MPP7: variants seen among roughly 807,000 people sequenced by gnomAD.
MPP7 encodes the protein MAGUK p55 scaffold protein 7, also known as MAGUK p55 subfamily member 7.
A neutral mutation model predicts 76.5 loss-of-function variants in MPP7; 60 were observed. The ratio of observed to expected loss-of-function variants is 0.78; its 90% CI spans 0.64 to 0.97. MPP7 has a LOEUF of 0.97. Among genes scored for constraint, MPP7 ranks in the 50% least tolerant of loss-of-function variants. MPP7 has a pLI of 0.00. For missense variants in MPP7, 641 were observed against 694.0 expected (o/e 0.92, Z 0.86); for synonymous variants, 237 against 244.5 (o/e 0.97, Z 0.29).
At chr10:28,221,128 G>T (rs963129513) in intron 2 of MPP7, among the ~76,000 whole-genome samples, 1 of 152,164 alleles carries the variant, frequency 6.6e-6, no homozygotes, top group Non-Finnish European at 1.5e-5. Context: ...TGGTAGGTTA[G>T]AAAGTTTGCA....
chr10:28,246,080 G>A (rs750109202), intron 1 of MPP7, among the ~76,000 whole-genome samples: 35 of 152,056 alleles, frequency 2.3e-4, no homozygotes, highest in Non-Finnish European at 4.3e-4. Flanking sequence ...AATGTGAGGG[G>A]AGAAATGGAC....
chr10:28,112,056 G>C (rs1005005846), intron 11 of MPP7, among the ~76,000 whole-genome samples: 1 of 152,116 alleles, frequency 6.6e-6, no homozygotes, highest in African/African-American at 2.4e-5. Flanking sequence ...GGTTTGACCA[G>C]TATTAGCAAA....
intron 2 of MPP7, among the ~76,000 whole-genome samples, chr10:28,321,584 AT>A (rs1460153543): frequency 6.6e-6 from 1 of 151,828 alleles, no homozygotes; most frequent in African/African-American, 2.4e-5. Context: ...TTTAATAGAA[AT>A]TTTTTTGTTT....
At chr10:28,289,966 G>A (rs113388250) in intron 1 of MPP7, among the ~76,000 whole-genome samples, 2,125 of 152,230 alleles carry the variant, frequency 0.014, 48 homozygotes, top group African/African-American at 0.048. Context: ...CCATAGGCAT[G>A]TGCCACCACG....
Position 28,250,079 on chromosome 10 carries a change from C to G in MPP7, c.-131-11344G>C, listed in dbSNP as rs1839565708. Among the ~76,000 whole-genome samples the G allele has an allele frequency of 2.0e-5, 3 of 151,664 alleles. No homozygotes were observed. In the South Asian group the frequency reaches 6.2e-4, roughly 31 times the overall value. ...ACAAATTACTAACAGTAAAAGCAAG[C>G]CTTTGTGGTTCTCCTATTGGATGTA... On this transcript the variant is annotated intron_variant, in intron 1 of 16. Coordinates refer to ENST00000683449, the MANE Select transcript of MPP7 (RefSeq NM_001318170.2).
At chr10:28,062,171 T>C (rs547176928) in intron 13 of MPP7, among the ~76,000 whole-genome samples, 10 of 152,312 alleles carry the variant, frequency 6.6e-5, no homozygotes, top group Non-Finnish European at 1.0e-4. Context: ...TATTGTCTGA[T>C]AGTTTTCAAT....
chr10:28,322,002 GA>G (rs1471584172), intron 2 of MPP7, among the ~76,000 whole-genome samples: 1 of 146,146 alleles, frequency 6.8e-6, no homozygotes, highest in Admixed American at 6.9e-5. Flanking sequence ...TAGCTGTACA[GA>G]TACTCACAGA....
intron 1 of MPP7, among the ~76,000 whole-genome samples, chr10:28,275,275 A>G (rs764024171): frequency 1.3e-5 from 2 of 151,996 alleles, no homozygotes; most frequent in Non-Finnish European, 2.9e-5. Flanking sequence ...TCTGCCGGAT[A>G]CCCTCTTCTA....
intron 9 of MPP7, 58 bp downstream of exon 9, chr10:28,120,536 G>C (rs1435810704): frequency 1.3e-6 from 2 of 1,542,128 alleles, no homozygotes; most frequent in East Asian, 4.5e-5. Context: ...ATATGTGTTG[G>C]ATGGAAAAAC....
At chr10:28,155,725 C>G (rs538839861) in intron 3 of MPP7, among the ~76,000 whole-genome samples, 36 of 151,994 alleles carry the variant, frequency 2.4e-4, no homozygotes, top group Non-Finnish European at 3.1e-4. Context: ...AGACGAGGAA[C>G]AGAAAACCTG....
upstream of MPP7, among the ~76,000 whole-genome samples, chr10:28,307,126 A>G (rs1164903614): frequency 6.6e-6 from 1 of 152,116 alleles, no homozygotes; most frequent in Non-Finnish European, 1.5e-5. Context: ...ACACGCATTC[A>G]TTGCACCCCT....
rs1204375296 is a variant in MPP7, at chr10:28,058,572, A to G, written c.1330T>C (p.Tyr444His). Reference sequence around the variant, plus strand: ...ACTGAGTCTATACTTGTGCCGTAGTAGTTGTTTTTATATTCTCCATATTCA... The same window carrying G: ...ACTGAGTCTATACTTGTGCCGTAGTGGTTGTTTTTATATTCTCCATATTCA... Reference protein sequence around the residue: ...FIEYGEYKNNYYGTSIDSVRS... With the variant: ...FIEYGEYKNNHYGTSIDSVRS... The change falls in exon 15 of 17, where the codon TAC (tyrosine) becomes CAC (histidine). Residue 444 changes from tyrosine (Y) to histidine (H), a missense_variant. Tyr to His is a moderately conservative substitution (Grantham distance 83, BLOSUM62 2). Transcript: ENST00000683449. The G allele has an allele frequency of 2.5e-6, 4 of 1,600,506 alleles. No individual in the cohort carries two copies. The highest frequency in any genetic ancestry group is 1.7e-6 in the Non-Finnish European group (2 of 1,172,690).
intron 2 of MPP7, among the ~76,000 whole-genome samples, chr10:28,312,182 C>T (rs1461695858): frequency 6.6e-6 from 1 of 152,118 alleles, no homozygotes; most frequent in Non-Finnish European, 1.5e-5. Flanking sequence ...GATGGCCAGC[C>T]TTTATTCCCT....
chr10:28,054,006 C>G lies in MPP7; in HGVS notation c.*59G>C. On this transcript the variant is annotated 3_prime_UTR_variant, in exon 17 of 17. Coordinates refer to ENST00000683449, the MANE Select transcript of MPP7 (RefSeq NM_001318170.2). ...AGATTTAAAAACCCTACTACCAAAA[C>G]TGTAATTGATTTCATCATGCACTCT... The G allele has an allele frequency of 1.5e-6, 2 of 1,319,606 alleles. No homozygotes were observed. The highest frequency in any genetic ancestry group is 4.4e-4 in the Middle Eastern group (2 of 4,510). The allele number at this position is 1,319,606 out of a possible 1,614,324, so 81.7% of individuals were successfully genotyped here.
intron 3 of MPP7, 32 bp downstream of exon 3, chr10:28,202,121 C>T (rs1277743262): frequency 6.1e-6 from 9 of 1,463,492 alleles, no homozygotes; most frequent in East Asian, 2.3e-5. Flanking sequence ...ATATGCTTTT[C>T]GCAAAGAGAA....
intron 1 of MPP7, among the ~76,000 whole-genome samples, chr10:28,294,886 C>G (rs1186695855): frequency 1.3e-5 from 2 of 152,144 alleles, no homozygotes; most frequent in Non-Finnish European, 2.9e-5. Context: ...AGAAACTTGC[C>G]TAAAGTCAAA....
intron 12 of MPP7, among the ~76,000 whole-genome samples, chr10:28,089,350 C>T (rs759131032): frequency 7.2e-5 from 11 of 152,132 alleles, no homozygotes; most frequent in Admixed American, 2.0e-4. Context: ...TGCTTTGAAA[C>T]GAACTTGCAT....
chr10:28,188,606 C>G (rs1192614799), intron 3 of MPP7, among the ~76,000 whole-genome samples: 1 of 152,034 alleles, frequency 6.6e-6, no homozygotes, highest in African/African-American at 2.4e-5. Context: ...GTGAAAAGGA[C>G]CAAAATAGTA....
intron 1 of MPP7, among the ~76,000 whole-genome samples, chr10:28,250,984 A>G (rs1045806901): frequency 6.6e-6 from 1 of 152,222 alleles, no homozygotes; most frequent in African/African-American, 2.4e-5. Context: ...CCATGATTTA[A>G]TTTTTAAAAG....
Sources: gnomAD v4.1 joint callset for allele counts (sites outside exome capture counted in the v4.1 genomes callset) on GRCh38, gnomAD v4.1.1 for gene constraint, MANE v1.5 for transcripts, NCBI Gene and HGNC (gene_info 2026-07-23, HGNC 2026-07-21) for gene names.